Variants in PTPRD observed in about 807,000 individuals in gnomAD.
The protein encoded by PTPRD is receptor-type tyrosine-protein phosphatase delta.
In PTPRD, 34 loss-of-function variants were observed where a neutral mutation model predicts 214.5. The observed-to-expected ratio is 0.16, with a 90% confidence interval of 0.12 to 0.21. The LOEUF (loss-of-function observed/expected upper bound fraction) is 0.21. Ranked by LOEUF, PTPRD falls within the 10% of genes least tolerant of loss-of-function variation. PTPRD has a pLI of 1.00. For missense variants in PTPRD, 2,545 were observed against 2,398.7 expected (o/e 1.06, Z -1.27); for synonymous variants, 1,128 against 845.7 (o/e 1.33, Z -5.79).
intron 5 of PTPRD, among the ~76,000 whole-genome samples, chr9:9,810,010 T>C (rs1460534629): frequency 6.6e-6 from 1 of 151,752 alleles, no homozygotes; most frequent in African/African-American, 2.4e-5. Flanking sequence ...CCAATAAAAG[T>C]TATACCAAGT....
chr9:8,862,954 A>G (rs765227084), intron 11 of PTPRD, among the ~76,000 whole-genome samples: 13 of 152,230 alleles, frequency 8.5e-5, no homozygotes, highest in Non-Finnish European at 1.8e-4. Flanking sequence ...ATCGGGAGAT[A>G]TACCTAATGC....
intron 14 of PTPRD, among the ~76,000 whole-genome samples, chr9:8,593,488 A>T (rs996666862): frequency 3.3e-5 from 5 of 152,208 alleles, no homozygotes; most frequent in Non-Finnish European, 5.9e-5. Flanking sequence ...AGGAGATATA[A>T]CTGGTAGATA....
At chr9:10,345,932 C>A (rs1485069662) in intron 2 of PTPRD, among the ~76,000 whole-genome samples, 2 of 152,102 alleles carry the variant, frequency 1.3e-5, no homozygotes, top group African/African-American at 4.8e-5. Flanking sequence ...CTGTTGTTTC[C>A]TGACTTTTTA....
chr9:9,521,283 G>C (rs2096965546), intron 8 of PTPRD, among the ~76,000 whole-genome samples: 1 of 151,966 alleles, frequency 6.6e-6, no homozygotes, highest in Non-Finnish European at 1.5e-5. Flanking sequence ...TCAATTTCGT[G>C]GTCTGCATTC....
intron 22 of PTPRD, 45 bp downstream of exon 22, chr9:8,507,256 C>A: frequency 6.3e-7 from 1 of 1,582,872 alleles, no homozygotes; most frequent in Non-Finnish European, 8.6e-7. Context: ...AAAAGTGGCC[C>A]CACGTAATGA....
chr9:9,058,811 T>C (rs992945765), intron 10 of PTPRD, among the ~76,000 whole-genome samples: 1 of 152,080 alleles, frequency 6.6e-6, no homozygotes, highest in South Asian at 2.1e-4. Context: ...TGAAAAAACA[T>C]GTCATAAAGT....
At chr9:8,341,566 A>G in intron 40 of PTPRD, 127 bp downstream of exon 40, 1 of 1,118,150 alleles carries the variant, frequency 8.9e-7, no homozygotes, top group Non-Finnish European at 1.3e-6. Context: ...TTATAATCAT[A>G]CACCTGAGGG....
intron 12 of PTPRD, among the ~76,000 whole-genome samples, chr9:8,711,467 AAAC>A (rs1425135172): frequency 6.6e-6 from 1 of 152,218 alleles, no homozygotes; most frequent in African/African-American, 2.4e-5. Flanking sequence ...TCCTTAAGAA[AAAC>A]AACTAATATG....
intron 6 of PTPRD, among the ~76,000 whole-genome samples, chr9:9,743,230 C>T (rs1381293648): frequency 6.6e-6 from 1 of 152,000 alleles, no homozygotes; most frequent in Admixed American, 6.6e-5. Context: ...AAGTCACATG[C>T]CAAATGCATA....
chr9:10,308,533 T>G (rs929377320), intron 3 of PTPRD, among the ~76,000 whole-genome samples: 1 of 138,150 alleles, frequency 7.2e-6, no homozygotes, highest in Non-Finnish European at 1.6e-5. Flanking sequence ...CAAGATTGCT[T>G]TGGCTATTTG....
At chr9:9,526,461 C>T (rs1473778466) in intron 8 of PTPRD, among the ~76,000 whole-genome samples, 3 of 152,032 alleles carry the variant, frequency 2.0e-5, no homozygotes, top group Non-Finnish European at 4.4e-5. Flanking sequence ...ATTTTATATT[C>T]GCTTCATAAA....
intron 35 of PTPRD, among the ~76,000 whole-genome samples, chr9:8,428,664 C>CA (rs1438035574): frequency 2.0e-5 from 3 of 151,458 alleles, no homozygotes; most frequent in African/African-American, 4.9e-5. Flanking sequence ...CGAAGTTGGC[C>CA]AAAAAAAATT....
intron 5 of PTPRD, among the ~76,000 whole-genome samples, chr9:9,815,338 C>T (rs540039605): frequency 6.6e-6 from 1 of 152,044 alleles, no homozygotes. Context: ...AAACTGGACA[C>T]TTAACTTACA....
chr9:9,105,147 C>A (rs1401899668), intron 10 of PTPRD, among the ~76,000 whole-genome samples: 8 of 152,152 alleles, frequency 5.3e-5, no homozygotes, highest in East Asian at 1.9e-4. Flanking sequence ...ATAATAACTT[C>A]TTTGAATTCT....
chr9:9,954,024 C>T (rs971559880), intron 4 of PTPRD, among the ~76,000 whole-genome samples: 5 of 151,772 alleles, frequency 3.3e-5, no homozygotes, highest in Non-Finnish European at 5.9e-5. Flanking sequence ...AGGCTGGTTG[C>T]GGTGGCTCAT....
At chr9:10,183,061 T>G (rs2099309638) in intron 3 of PTPRD, among the ~76,000 whole-genome samples, 1 of 152,182 alleles carries the variant, frequency 6.6e-6, no homozygotes, top group African/African-American at 2.4e-5. Context: ...TTAATAAGAA[T>G]AAGAATAATG....
chr9:10,226,735 T>C (rs1161196680), intron 3 of PTPRD, among the ~76,000 whole-genome samples: 1 of 152,010 alleles, frequency 6.6e-6, no homozygotes, highest in Non-Finnish European at 1.5e-5. Flanking sequence ...AGTCTGTTTG[T>C]CAGCATGAGA....
intron 36 of PTPRD, among the ~76,000 whole-genome samples, chr9:8,404,226 T>G (rs2092736651): frequency 6.6e-6 from 1 of 152,158 alleles, no homozygotes; most frequent in Non-Finnish European, 1.5e-5. Context: ...CCTCCTGGGT[T>G]CAAGTGATTC....
intron 14 of PTPRD, among the ~76,000 whole-genome samples, chr9:8,596,475 T>A (rs2094482435): frequency 6.6e-6 from 1 of 151,974 alleles, no homozygotes; most frequent in Non-Finnish European, 1.5e-5. Flanking sequence ...GAACTTAGAA[T>A]AAGCATCGTT....
Sources: allele counts gnomAD v4.1 joint callset (sites outside exome capture counted in the v4.1 genomes callset), GRCh38; gene constraint gnomAD v4.1.1; transcripts MANE v1.5; gene names NCBI Gene and HGNC (gene_info 2026-07-23, HGNC 2026-07-21).